The following TTLL5 variants were observed in gnomAD, a reference collection of about 807,000 sequenced individuals.
The protein encoded by TTLL5 is tubulin tyrosine ligase like 5, also known as tubulin polyglutamylase TTLL5.
A neutral mutation model predicts 168.4 loss-of-function variants in TTLL5; 132 were observed. The observed-to-expected ratio is 0.78, with a 90% CI of 0.68 to 0.91. The LOEUF is 0.91. Ranked by LOEUF, TTLL5 falls within the 40% of genes least tolerant of loss-of-function variation. The probability of loss-of-function intolerance (pLI) is 0.00; values close to 1 mark genes in which losing one functional copy is unlikely to be tolerated. For synonymous variants in TTLL5, 546 were observed against 558.6 expected, an observed-to-expected ratio of 0.98 and a Z score of 0.32; for missense variants, 1,545 against 1,581.5, an observed-to-expected ratio of 0.98 and a Z score of 0.39.
At chr14:75,743,677 G>A (rs542037688) in intron 15 of TTLL5, among the ~76,000 whole-genome samples, 20 of 150,336 alleles carry the variant, frequency 1.3e-4, no homozygotes, top group Non-Finnish European at 2.7e-4. Context: ...CGCCTCCTGG[G>A]TTCACGCCAT....
At chr14:75,804,979 A>G (rs1210105665) in intron 27 of TTLL5, among the ~76,000 whole-genome samples, 1 of 152,042 alleles carries the variant, frequency 6.6e-6, no homozygotes, top group East Asian at 1.9e-4. Flanking sequence ...TTACTCTGCC[A>G]CCCCTTTAAA....
At chr14:75,819,779 T>A (rs1013030513) in intron 27 of TTLL5, among the ~76,000 whole-genome samples, 1 of 152,170 alleles carries the variant, frequency 6.6e-6, no homozygotes, top group Non-Finnish European at 1.5e-5. Context: ...TGCCCTGCAC[T>A]TAGTAGGAGC....
At chr14:75,863,284 A>T (rs919919424) in intron 28 of TTLL5, among the ~76,000 whole-genome samples, 1 of 152,192 alleles carries the variant, frequency 6.6e-6, no homozygotes, top group Non-Finnish European at 1.5e-5. Context: ...GAAAATGATC[A>T]TGCATCTGTT....
intron 31 of TTLL5, among the ~76,000 whole-genome samples, chr14:75,934,930 G>GT (rs1196488351): frequency 6.6e-6 from 1 of 152,210 alleles, no homozygotes; most frequent in African/African-American, 2.4e-5. Flanking sequence ...TAAGAAAACA[G>GT]TTAAGGGGCT....
intron 31 of TTLL5, among the ~76,000 whole-genome samples, chr14:75,909,840 A>G (rs1352793925): frequency 3.3e-5 from 5 of 152,250 alleles, no homozygotes; most frequent in South Asian, 2.1e-4. Flanking sequence ...ATCCCTCTAC[A>G]TGGCAGAATC....
At chr14:75,775,367 T>C in intron 21 of TTLL5, 117 bp from the exon 22 acceptor site, 1 of 1,181,168 alleles carries the variant, frequency 8.5e-7, no homozygotes, top group Non-Finnish European at 1.2e-6. Context: ...TCTTGTTTGT[T>C]GAAATGTGTA....
rs995049998 is a variant in TTLL5, at chr14:75,769,323, T to A, written c.2016-2411T>A. 1.1e-4 allele frequency among the ~76,000 whole-genome samples: 16 copies of A among 152,314 alleles called. No individual in the cohort carries two copies. In the South Asian group the frequency reaches 2.3e-3, roughly 22 times the overall value. ...CACGCACAGCCAGGGTTCAAAACTCTAAGGATCGCGTCATTGTTGCATATC... is the reference window on the plus strand; with the variant it reads ...CACGCACAGCCAGGGTTCAAAACTCAAAGGATCGCGTCATTGTTGCATATC... On this transcript the variant is annotated intron_variant, in intron 20 of 31. Transcript: ENST00000298832.
At chr14:75,762,083 T>G (rs926536530) in intron 18 of TTLL5, among the ~76,000 whole-genome samples, 1 of 152,118 alleles carries the variant, frequency 6.6e-6, no homozygotes, top group African/African-American at 2.4e-5. Context: ...CTTTAAACTT[T>G]TGTTTAAATA....
At chr14:75,866,666 A>G (rs538945548) in intron 29 of TTLL5, among the ~76,000 whole-genome samples, 1 of 152,308 alleles carries the variant, frequency 6.6e-6, no homozygotes, top group South Asian at 2.1e-4. Context: ...CAGAACACTT[A>G]GATATCCAAC....
At chr14:75,667,754 T>TTG (rs1883383517) in intron 2 of TTLL5, among the ~76,000 whole-genome samples, 1 of 139,590 alleles carries the variant, frequency 7.2e-6, no homozygotes, top group South Asian at 2.4e-4. Context: ...TTTTTATGTT[T>TTG]TTTTTTTTTT....
chr14:75,907,441 A>C (rs191016835), intron 31 of TTLL5, among the ~76,000 whole-genome samples: 6 of 152,302 alleles, frequency 3.9e-5, no homozygotes, highest in Non-Finnish European at 8.8e-5. Context: ...CTACACACTG[A>C]TGCATTAACG....
chr14:75,906,438 G>A (rs1480864242), intron 31 of TTLL5: 1 of 748,308 alleles, frequency 1.3e-6, no homozygotes, highest in Non-Finnish European at 1.6e-6. Flanking sequence ...CAGGAAGTGG[G>A]GTGGCGTTAT....
intron 7 of TTLL5, among the ~76,000 whole-genome samples, chr14:75,705,187 G>A (rs1441599923): frequency 6.6e-6 from 1 of 152,210 alleles, no homozygotes; most frequent in Non-Finnish European, 1.5e-5. Context: ...AAGTTCATTA[G>A]GGATGAATCA....
At position 75,816,475 on chromosome 14, in the gene TTLL5, C is replaced by G. The variant is rs182494849; in HGVS notation, c.3172-3532C>G. Among the ~76,000 whole-genome samples the G allele has an allele frequency of 1.9e-4, 29 of 152,274 alleles. No individual in the cohort carries two copies. The East Asian group carries it at 3.3e-3, about 17-fold the overall frequency. On this transcript the variant is annotated intron_variant, in intron 27 of 31. Transcript: ENST00000298832. The stretch of plus-strand genomic sequence containing the variant: ...ATAGTGAGTGTTCCATAAGTGGTAA[C>G]TGTTAAGATGCATATGATGATGTTT...
At chr14:75,722,794 G>T (rs1039579181) in intron 12 of TTLL5, among the ~76,000 whole-genome samples, 1 of 152,140 alleles carries the variant, frequency 6.6e-6, no homozygotes, top group Non-Finnish European at 1.5e-5. Context: ...GGGCTTACAG[G>T]CATGAGCTAC....
chr14:75,913,660 T>C (rs890903387), intron 31 of TTLL5, among the ~76,000 whole-genome samples: 25 of 152,118 alleles, frequency 1.6e-4, no homozygotes, highest in Non-Finnish European at 3.2e-4. Flanking sequence ...AATTTTCATA[T>C]TTCTGCCTTT....
chr14:75,737,008 A>G (rs1204946419), intron 15 of TTLL5, among the ~76,000 whole-genome samples: 2 of 152,222 alleles, frequency 1.3e-5, no homozygotes, highest in African/African-American at 4.8e-5. Context: ...AGAATTATGT[A>G]TAAAGGATCA....
intron 31 of TTLL5, among the ~76,000 whole-genome samples, chr14:75,911,147 C>T (rs1009663091): frequency 5.3e-5 from 8 of 152,210 alleles, no homozygotes; most frequent in African/African-American, 1.9e-4. Flanking sequence ...CGAGCCTTCG[C>T]CTCCCGAGTA....
intron 9 of TTLL5, among the ~76,000 whole-genome samples, chr14:75,717,059 T>C (rs1333791925): frequency 6.6e-6 from 1 of 152,202 alleles, no homozygotes; most frequent in Non-Finnish European, 1.5e-5. Context: ...AGCCTACATA[T>C]AGCTGTGCTG....
Sources: gnomAD v4.1 joint callset for allele counts (sites outside exome capture counted in the v4.1 genomes callset) on GRCh38, gnomAD v4.1.1 for gene constraint, MANE v1.5 for transcripts, NCBI Gene and HGNC (gene_info 2026-07-23, HGNC 2026-07-21) for gene names.